The following RTL4 variants were observed in gnomAD, a reference collection of about 807,000 sequenced individuals.
RTL4 encodes the protein retrotransposon Gag-like protein 4.
A neutral mutation model predicts 5.3 loss-of-function variants in RTL4; 4 were observed. The observed-to-expected ratio is 0.75, with a 90% confidence interval of 0.37 to 1.72. The LOEUF (loss-of-function observed/expected upper bound fraction) is 1.72, where lower values mean the gene tolerates loss of function less well. Among genes scored for constraint, RTL4 ranks in the 40% most tolerant of loss-of-function variants. The pLI, the probability that RTL4 is intolerant of heterozygous loss-of-function variation, is 0.04. For synonymous variants in RTL4, 98 were observed against 87.3 expected (o/e 1.12, Z -0.68); for missense variants, 260 against 227.1 (o/e 1.14, Z -0.93).
At chrX:112,429,647 T>C in the RTL4 span, among the ~76,000 whole-genome samples, 2 of 111,803 alleles carry the variant, frequency 1.8e-5, no homozygotes, top group Admixed American at 1.9e-4. Context: ...TCTAATACTC[T>C]TCCTTATTTT....
At chrX:112,153,999 C>T in the RTL4 span, among the ~76,000 whole-genome samples, 1 of 110,904 alleles carries the variant, frequency 9.0e-6, no homozygotes, top group South Asian at 3.8e-4. Flanking sequence ...TGTCCACAGG[C>T]CTGTTAGTCT....
At chrX:112,160,148 CT>C in the RTL4 span, among the ~76,000 whole-genome samples, 1 of 112,310 alleles carries the variant, frequency 8.9e-6, no homozygotes, top group Admixed American at 9.5e-5. Flanking sequence ...CTGAATACAT[CT>C]TGCCTATCAG....
chrX:112,289,998 T>C, the RTL4 span, among the ~76,000 whole-genome samples: 3 of 111,182 alleles, frequency 2.7e-5, no homozygotes, highest in African/African-American at 9.8e-5. Context: ...GCTGTACTCT[T>C]AATCACAATG....
At chrX:112,127,564 G>A in the RTL4 span, among the ~76,000 whole-genome samples, 7 of 111,911 alleles carry the variant, frequency 6.3e-5, no homozygotes, top group African/African-American at 2.3e-4. Flanking sequence ...TGTAGTGGAA[G>A]TTCTAACCAG....
chrX:112,172,233 G>A, the RTL4 span, among the ~76,000 whole-genome samples: 1 of 110,797 alleles, frequency 9.0e-6, no homozygotes, highest in East Asian at 2.8e-4. Flanking sequence ...GCTGAGACAG[G>A]ATAGTTGCTT....
the RTL4 span, among the ~76,000 whole-genome samples, chrX:112,146,708 G>C: frequency 1.8e-5 from 2 of 109,610 alleles, no homozygotes; most frequent in Non-Finnish European, 3.8e-5. Flanking sequence ...TCCAGGAGGA[G>C]GGGATGGTCA....
At chrX:112,344,476 A>G in the RTL4 span, among the ~76,000 whole-genome samples, 2 of 111,628 alleles carry the variant, frequency 1.8e-5, no homozygotes, top group Non-Finnish European at 3.8e-5. Context: ...CACGTCTTGC[A>G]TGGCAGGAGC....
chrX:112,138,776 A>G, the RTL4 span, among the ~76,000 whole-genome samples: 2 of 111,835 alleles, frequency 1.8e-5, no homozygotes, highest in African/African-American at 3.2e-5. Context: ...AACTTCCGAG[A>G]AAAGAGTTGC....
chrX:112,363,912 G>T, the RTL4 span, among the ~76,000 whole-genome samples: 1 of 111,108 alleles, frequency 9.0e-6, no homozygotes, highest in South Asian at 3.9e-4. Context: ...TGGAGGGATG[G>T]ATGAGGAAAG....
At chrX:112,222,406 C>G in the RTL4 span, among the ~76,000 whole-genome samples, 5 of 111,449 alleles carry the variant, frequency 4.5e-5, no homozygotes, top group South Asian at 7.8e-4. Flanking sequence ...GCACACTTTT[C>G]ATATCTTCTG....
At chrX:112,156,828 C>T in the RTL4 span, among the ~76,000 whole-genome samples, 4 of 111,385 alleles carry the variant, frequency 3.6e-5, no homozygotes, top group African/African-American at 1.3e-4. Context: ...TGCAATACCA[C>T]CAATATCACA....
the RTL4 span, among the ~76,000 whole-genome samples, chrX:112,171,434 C>G: frequency 8.9e-4 from 99 of 111,534 alleles, 1 homozygote; most frequent in Admixed American, 5.1e-3. Flanking sequence ...TTTCAGAACT[C>G]TTTATTGGTC....
the RTL4 span, among the ~76,000 whole-genome samples, chrX:112,288,511 C>T: frequency 3.6e-5 from 4 of 112,166 alleles, no homozygotes; most frequent in African/African-American, 1.3e-4. Context: ...GCAGCTATTA[C>T]TAAATCCATA....
the RTL4 span, among the ~76,000 whole-genome samples, chrX:112,317,706 C>T: frequency 5.2e-4 from 58 of 111,577 alleles, 1 homozygote; most frequent in Non-Finnish European, 5.5e-4. Context: ...AAATGCACCA[C>T]GTATTATATT....
the RTL4 span, among the ~76,000 whole-genome samples, chrX:112,426,702 T>C: frequency 1.8e-5 from 2 of 111,086 alleles, no homozygotes; most frequent in Non-Finnish European, 3.8e-5. Context: ...AGGAAAGCAG[T>C]CAGATTTTTC....
the RTL4 span, among the ~76,000 whole-genome samples, chrX:112,105,757 A>G: frequency 1.1e-4 from 12 of 111,722 alleles, no homozygotes; most frequent in East Asian, 3.3e-3. Flanking sequence ...TACTAAATTT[A>G]TTAGTTCCAA....
chrX:112,440,150 C>T, the RTL4 span, among the ~76,000 whole-genome samples: 1 of 112,069 alleles, frequency 8.9e-6, no homozygotes. Context: ...ACTATAAAGT[C>T]AACTCAAACC....
chrX:112,181,621 G>C, the RTL4 span, among the ~76,000 whole-genome samples: 1 of 112,046 alleles, frequency 8.9e-6, no homozygotes, highest in South Asian at 3.7e-4. Context: ...TAGCCAGACT[G>C]CCTCTCTAGA....
chrX:112,272,852 A>G, the RTL4 span, among the ~76,000 whole-genome samples: 25 of 111,168 alleles, frequency 2.2e-4, no homozygotes, highest in Admixed American at 2.1e-3. Context: ...AAGTGTGCCT[A>G]TTGTAAATGC....
Sources: allele counts gnomAD v4.1 joint callset (sites outside exome capture counted in the v4.1 genomes callset), GRCh38; gene constraint gnomAD v4.1.1; transcripts MANE v1.5; gene names NCBI Gene and HGNC (gene_info 2026-07-23, HGNC 2026-07-21).